The following RANBP9 variants were observed in gnomAD, a reference collection of about 807,000 sequenced individuals.
The protein encoded by RANBP9 is RAN binding protein 9.
RANBP9 carries 15 observed loss-of-function variants against 84.3 expected under a neutral mutation model. The observed-to-expected ratio is 0.18, with a 90% confidence interval of 0.12 to 0.27. The LOEUF is 0.27. Among genes scored for constraint, RANBP9 ranks in the 10% least tolerant of loss-of-function variants. The pLI, the probability that RANBP9 is intolerant of heterozygous loss-of-function variation, is 1.00. For missense variants in RANBP9, 809 were observed against 912.8 expected, an observed-to-expected ratio of 0.89 and a Z score of 1.46; for synonymous variants, 392 against 349.6, an observed-to-expected ratio of 1.12 and a Z score of -1.35.
intron 2 of RANBP9, among the ~76,000 whole-genome samples, chr6:13,662,544 G>C (rs1765557215): frequency 6.6e-6 from 1 of 152,128 alleles, no homozygotes; most frequent in South Asian, 2.1e-4. Context: ...GGTCATGAAG[G>C]CTCCACCCTC....
At chr6:13,632,964 A>G (rs1204103185) in intron 11 of RANBP9, among the ~76,000 whole-genome samples, 1 of 152,172 alleles carries the variant, frequency 6.6e-6, no homozygotes, top group Non-Finnish European at 1.5e-5. Flanking sequence ...ATAAAAATAC[A>G]GAAGACAGCA....
intron 1 of RANBP9, among the ~76,000 whole-genome samples, chr6:13,697,517 A>G (rs1757867687): frequency 6.6e-6 from 1 of 152,142 alleles, no homozygotes; most frequent in Non-Finnish European, 1.5e-5. Flanking sequence ...TTTTCTTTTT[A>G]AACAACAGAA....
chr6:13,630,411 G>A (rs1764744819), intron 12 of RANBP9, among the ~76,000 whole-genome samples: 2 of 151,600 alleles, frequency 1.3e-5, no homozygotes, highest in South Asian at 4.2e-4. Flanking sequence ...AGCTAATGGA[G>A]TATAATCTTA....
rs1462265631 is a variant in RANBP9, at chr6:13,657,180, C to T, written c.833G>A (p.Gly278Asp). 6.2e-7 allele frequency: 1 copy of T among 1,613,104 alleles called. No individual in the cohort carries two copies. The highest frequency in any genetic ancestry group is 1.1e-5 in the South Asian group (1 of 90,930). The change falls in exon 4 of 14, where the codon GGT becomes GAT. Residue 278 changes from glycine (G) to aspartate (D), a missense_variant. Around this residue, in one of 5 missense-constraint regions of RANBP9, gnomAD observed 216 missense variants for 329.0 expected, o/e 0.66. Coordinates refer to ENST00000011619, the MANE Select transcript of RANBP9 (RefSeq NM_005493.3). ...GQPYGPTFTT[G>D]DVIGCCVNLI... ...ATTAACACAACAGCCAATGACATCA[C>T]CAGTAGTGAAAGTTGGTCCATAAGG...
In RANBP9 at chr6:13,711,410, T is replaced by C; in HGVS notation, c.96A>G (p.Gly32=). 8.4e-7 allele frequency: 1 copy of C among 1,185,428 alleles called. No homozygotes were observed. The highest frequency in any genetic ancestry group is 1.0e-6 in the Non-Finnish European group (1 of 958,826). The allele number at this position is 1,185,428 out of a possible 1,614,324, so 73.4% of individuals were successfully genotyped here. Residue 32 remains glycine (G), a synonymous_variant, in exon 1 of 14, where the codon GGA becomes GGG. Transcript: ENST00000011619. Reference sequence around the variant, plus strand: ...CGGCCGGGGGCGCCGGCAGGACGACTCCGGAGACTGGGGCCAAGGCCGCCG... The same window carrying C: ...CGGCCGGGGGCGCCGGCAGGACGACCCCGGAGACTGGGGCCAAGGCCGCCG... ...PPPAALAPVS[G]VVLPAPPAVS... is the part of the protein sequence containing the mutation.
intron 4 of RANBP9, among the ~76,000 whole-genome samples, 191 bp downstream of exon 4, chr6:13,656,918 C>T (rs1451560685): frequency 1.3e-5 from 2 of 151,994 alleles, no homozygotes; most frequent in Non-Finnish European, 2.9e-5. Flanking sequence ...TATAGATGGC[C>T]TTCACAGAAT....
rs767388850 is a variant in RANBP9, at chr6:13,637,967, G to T, written c.1526-12C>A. The T allele has an allele frequency of 1.6e-5, 25 of 1,584,262 alleles. No individual in the cohort carries two copies. Among genetic ancestry groups the T allele is most frequent in the Non-Finnish European group, 2.1e-5 (25 of 1,168,412 alleles). ...ACAACTTTCAAAACCTGAAGAAAAA[G>T]ATACCACGTAGAAACAGAAACAAAC... is the stretch of plus-strand genomic sequence containing the variant. On this transcript the variant is annotated splice_polypyrimidine_tract_variant and intron_variant, in intron 9 of 13. Transcript: ENST00000011619.
intron 2 of RANBP9, among the ~76,000 whole-genome samples, chr6:13,689,096 A>G: frequency 6.6e-6 from 1 of 151,084 alleles, no homozygotes; most frequent in Admixed American, 6.6e-5. Context: ...GGTCAAGGCT[A>G]CAGAGAGCCT....
In RANBP9 at chr6:13,700,448, G is replaced by A. The variant is rs146069351; in HGVS notation, c.572-3552C>T. Among the ~76,000 whole-genome samples the A allele has an allele frequency of 2.6e-5, 4 of 151,718 alleles. No homozygotes were observed. In the East Asian group the frequency reaches 7.7e-4, roughly 29 times the overall value. ...TTCTTCACATTGATCAGGCCAGTCT[G>A]TAAACATGCTATTCCCTCCACCTTT... On this transcript the variant is annotated intron_variant, in intron 1 of 13. Coordinates refer to ENST00000011619, the MANE Select transcript of RANBP9 (RefSeq NM_005493.3).
chr6:13,649,495 T>C (rs969783973), intron 5 of RANBP9, among the ~76,000 whole-genome samples: 2 of 150,946 alleles, frequency 1.3e-5, no homozygotes, highest in Non-Finnish European at 2.9e-5. Context: ...ACTAAACTCT[T>C]TAACCAACTC....
At chr6:13,632,728 G>T in intron 11 of RANBP9, 1 of 489,030 alleles carries the variant, frequency 2.0e-6, no homozygotes, top group Admixed American at 3.7e-5. Context: ...CTAGGATCCA[G>T]TATTCAGCAT....
intron 11 of RANBP9, 172 bp from the exon 12 acceptor site, chr6:13,632,693 T>C: frequency 1.6e-6 from 1 of 639,442 alleles, no homozygotes; most frequent in East Asian, 2.8e-5. Context: ...AGCTAAAAGA[T>C]ATACTTTATT....
In RANBP9 at chr6:13,621,609, C is replaced by T. The variant is rs965852511; in HGVS notation, c.*753G>A. ...AAGGTGTACAAAGATTAAATTAAGACACGGTAAATTGACTAAATATTTGGT... is the reference window on the plus strand; with the variant it reads ...AAGGTGTACAAAGATTAAATTAAGATACGGTAAATTGACTAAATATTTGGT... On this transcript the variant is annotated 3_prime_UTR_variant, in exon 14 of 14. Transcript: ENST00000011619. The T allele has an allele frequency of 1.9e-4, 29 of 152,518 alleles. No individual in the cohort carries two copies. The highest frequency in any genetic ancestry group is 7.0e-4 in the African/African-American group (29 of 41,400). The allele number at this position is 152,518 out of a possible 1,614,324, so 9.4% of individuals were successfully genotyped here.
At chr6:13,692,356 C>CA (rs1269808592) in intron 2 of RANBP9, among the ~76,000 whole-genome samples, 1 of 149,700 alleles carries the variant, frequency 6.7e-6, no homozygotes, top group East Asian at 2.0e-4. Flanking sequence ...GCCAACATGG[C>CA]AAAACACACT....
intron 12 of RANBP9, among the ~76,000 whole-genome samples, chr6:13,630,640 A>G (rs558529632): frequency 6.6e-5 from 10 of 152,278 alleles, no homozygotes; most frequent in African/African-American, 2.4e-4. Flanking sequence ...AATTATTTGT[A>G]TAATAGTACT....
chr6:13,676,849 GA>G (rs945267473), intron 2 of RANBP9, among the ~76,000 whole-genome samples: 3 of 152,088 alleles, frequency 2.0e-5, no homozygotes, highest in African/African-American at 7.2e-5. Context: ...ACTAGGAATA[GA>G]GGGGGAGCTT....
chr6:13,655,024 T>C (rs527263125), intron 4 of RANBP9, among the ~76,000 whole-genome samples: 1 of 152,382 alleles, frequency 6.6e-6, no homozygotes, highest in South Asian at 2.1e-4. Flanking sequence ...AAATGTTAAG[T>C]AATTTACATA....
At chr6:13,707,237 T>G (rs895032597) in intron 1 of RANBP9, among the ~76,000 whole-genome samples, 1 of 152,036 alleles carries the variant, frequency 6.6e-6, no homozygotes, top group Non-Finnish European at 1.5e-5. Flanking sequence ...CAGGCTGGTC[T>G]AGAACTCTTG....
At chr6:13,656,611 T>C (rs1765407272) in intron 4 of RANBP9, among the ~76,000 whole-genome samples, 1 of 152,190 alleles carries the variant, frequency 6.6e-6, no homozygotes, top group Non-Finnish European at 1.5e-5. Context: ...TCTGCTTCCT[T>C]CCATAGAACA....
Sources: gnomAD v4.1 joint callset for allele counts (sites outside exome capture counted in the v4.1 genomes callset) on GRCh38, gnomAD v4.1.1 for gene constraint, gnomAD v4.1.1 regional missense constraint, MANE v1.5 for transcripts, NCBI Gene and HGNC (gene_info 2026-07-23, HGNC 2026-07-21) for gene names.